Variants in AFG3L2 observed in about 807,000 individuals in gnomAD.
The protein encoded by AFG3L2 is mitochondrial inner membrane m-AAA protease component AFG3L2.
Under a neutral mutation model 94.5 loss-of-function variants are expected in AFG3L2, and 54 were observed. That is an observed-to-expected ratio of 0.57 (90% confidence interval 0.46 to 0.72). The LOEUF (loss-of-function observed/expected upper bound fraction) is 0.72, where lower values mean the gene tolerates loss of function less well. Ranked by LOEUF, AFG3L2 falls within the 30% of genes least tolerant of loss-of-function variation. The pLI is 0.00. For synonymous variants in AFG3L2, 377 were observed against 365.5 expected, an observed-to-expected ratio of 1.03 and a Z score of -0.36; for missense variants, 754 against 994.9, an observed-to-expected ratio of 0.76 and a Z score of 3.26.
chr18:12,375,751 T>C lies in AFG3L2; in HGVS notation c.114+1218A>G, dbSNP rs1319187527. 2.0e-5 allele frequency among the ~76,000 whole-genome samples: 3 copies of C among 152,186 alleles called. No homozygotes were observed. In the East Asian group the frequency reaches 5.8e-4, roughly 29 times the overall value. On this transcript the variant is annotated intron_variant, in intron 1 of 16. Transcript: ENST00000269143. ...TAGTAGAGATGGGGTTTCACCGTGTTAGCCAGGATGATCTCGATTTTCTGA... is the reference window on the plus strand; with the variant it reads ...TAGTAGAGATGGGGTTTCACCGTGTCAGCCAGGATGATCTCGATTTTCTGA...
At chr18:12,372,068 G>C (rs941344650) in intron 1 of AFG3L2, among the ~76,000 whole-genome samples, 1 of 152,334 alleles carries the variant, frequency 6.6e-6, no homozygotes, top group Admixed American at 6.5e-5. Context: ...TACATTGGGA[G>C]GCCGAGGTGG....
intron 5 of AFG3L2, among the ~76,000 whole-genome samples, chr18:12,365,659 C>T (rs1908781591): frequency 6.6e-6 from 1 of 152,158 alleles, no homozygotes; most frequent in Non-Finnish European, 1.5e-5. Context: ...GTAGCAGCTG[C>T]TCATTTGAGT....
At chr18:12,337,997 T>A (rs1907809329) in intron 15 of AFG3L2, among the ~76,000 whole-genome samples, 1 of 152,194 alleles carries the variant, frequency 6.6e-6, no homozygotes, top group Admixed American at 6.5e-5. Context: ...CTTGAACTCC[T>A]GACCTCAGGT....
intron 12 of AFG3L2, among the ~76,000 whole-genome samples, chr18:12,350,485 G>C (rs1269508728): frequency 6.6e-6 from 1 of 152,072 alleles, no homozygotes; most frequent in Non-Finnish European, 1.5e-5. Flanking sequence ...ACACTGTCAA[G>C]AATTTTTCAC....
intron 7 of AFG3L2, among the ~76,000 whole-genome samples, chr18:12,359,657 T>C (rs1290018555): frequency 6.6e-6 from 1 of 151,902 alleles, no homozygotes; most frequent in Non-Finnish European, 1.5e-5. Flanking sequence ...GAGAATCGCG[T>C]GAACTGGGGT....
chr18:12,370,744 A>C (rs1908958870), intron 3 of AFG3L2, 105 bp downstream of exon 3: 3 of 799,370 alleles, frequency 3.8e-6, no homozygotes. Context: ...CAGGCGTGAG[A>C]CACTGTGCCC....
At chr18:12,372,628 G>A (rs974163037) in intron 1 of AFG3L2, among the ~76,000 whole-genome samples, 4 of 152,248 alleles carry the variant, frequency 2.6e-5, no homozygotes, top group Non-Finnish European at 1.5e-5. Flanking sequence ...CAAAAAGTAG[G>A]AACAAGCCAA....
intron 10 of AFG3L2, among the ~76,000 whole-genome samples, chr18:12,352,443 T>C (rs906558411): frequency 2.6e-5 from 4 of 152,220 alleles, no homozygotes; most frequent in Non-Finnish European, 5.9e-5. Flanking sequence ...TCCTGAGAAG[T>C]GGCTTTCCTA....
In AFG3L2 at chr18:12,360,584, G is replaced by A. The variant is rs141051894; in HGVS notation, c.628-533C>T. Among the ~76,000 whole-genome samples the A allele has an allele frequency of 1.7e-3, 252 of 152,272 alleles. 2 individuals are homozygous for A. Among genetic ancestry groups the A allele is most frequent in the South Asian group, 8.3e-3 (40 of 4,826 alleles). On this transcript the variant is annotated intron_variant, in intron 6 of 16. Coordinates refer to ENST00000269143, the MANE Select transcript of AFG3L2 (RefSeq NM_006796.3). ...CAAAATCCGAGCACCGCACCCCACT[G>A]TGCAACTGGAACAGATGCGCCTTGC...
In AFG3L2 at chr18:12,371,477, C is replaced by T; in HGVS notation, c.214+115G>A. ...ACAAATGTGTTACATTTGAAGATGA[C>T]ATATCTTCATCGCTGTAATCAGACA... On this transcript the variant is annotated intron_variant, in intron 2 of 16. Coordinates refer to ENST00000269143, the MANE Select transcript of AFG3L2 (RefSeq NM_006796.3). The T allele has an allele frequency of 4.9e-6, 4 of 812,992 alleles. No individual in the cohort carries two copies. The South Asian group carries it at 5.7e-5, about 12-fold the overall frequency. The allele number at this position is 812,992 out of a possible 1,614,324, so 50.4% of individuals were successfully genotyped here. A position where few individuals can be genotyped will look rare whatever the true frequency, so the allele number is the denominator to read the frequency against.
At chr18:12,363,254 T>G (rs1351112651) in intron 6 of AFG3L2, among the ~76,000 whole-genome samples, 1 of 152,082 alleles carries the variant, frequency 6.6e-6, no homozygotes, top group Non-Finnish European at 1.5e-5. Context: ...ATTCCCTCAA[T>G]GCATTCAGCT....
intron 8 of AFG3L2, 124 bp downstream of exon 8, chr18:12,358,546 T>C: frequency 7.8e-7 from 1 of 1,276,536 alleles, no homozygotes; most frequent in Non-Finnish European, 1.1e-6. Flanking sequence ...GAGGCTAGCC[T>C]AGTAAGCTGA....
At chr18:12,331,297 C>T (rs906983533) in intron 16 of AFG3L2, among the ~76,000 whole-genome samples, 3 of 152,160 alleles carry the variant, frequency 2.0e-5, no homozygotes, top group African/African-American at 4.8e-5. Flanking sequence ...TAACAGCAAA[C>T]TCCTCAGACC....
intron 16 of AFG3L2, among the ~76,000 whole-genome samples, chr18:12,332,917 T>A (rs1009554465): frequency 7.2e-6 from 1 of 139,012 alleles, no homozygotes; most frequent in Non-Finnish European, 1.5e-5. Flanking sequence ...AAATATATAT[T>A]ATATATAACA....
intron 3 of AFG3L2, among the ~76,000 whole-genome samples, chr18:12,369,170 T>A (rs551345708): frequency 1.3e-5 from 2 of 151,878 alleles, no homozygotes; most frequent in South Asian, 4.2e-4. Flanking sequence ...TGTGCAACAC[T>A]CCAAACCACT....
chr18:12,337,141 GAC>G, intron 16 of AFG3L2, 198 bp downstream of exon 16: 1 of 635,420 alleles, frequency 1.6e-6, no homozygotes, highest in East Asian at 2.7e-5. Context: ...CAGGAGCCGG[GAC>G]AGTGTCAACT....
At chr18:12,369,559 C>T (rs963684825) in intron 3 of AFG3L2, among the ~76,000 whole-genome samples, 2 of 151,102 alleles carry the variant, frequency 1.3e-5, no homozygotes, top group African/African-American at 4.9e-5. Context: ...GGTGAAACCT[C>T]ATCTCTTAAA....
intron 6 of AFG3L2, among the ~76,000 whole-genome samples, chr18:12,361,238 C>T (rs1378198534): frequency 3.9e-5 from 6 of 152,260 alleles, no homozygotes; most frequent in Admixed American, 1.3e-4. Context: ...GGCATGGTGG[C>T]ACCCACCTAT....
chr18:12,377,111 G>A lies in AFG3L2; in HGVS notation c.-29C>T. ...CGCCGCCGTGGCCCTCTCGGCCCGG[G>A]ACGCTGCGCAGGCGCGGGCAGGCGA... is the stretch of plus-strand genomic sequence containing the variant. On this transcript the variant is annotated 5_prime_UTR_variant, in exon 1 of 17. Transcript: ENST00000269143. 2 of 1,374,644 alleles carry A rather than the reference G, an allele frequency of 1.5e-6. No individual in the cohort carries two copies. Among genetic ancestry groups the A allele is most frequent in the Non-Finnish European group, 9.4e-7 (1 of 1,058,218 alleles). The allele number at this position is 1,374,644 out of a possible 1,614,324, so 85.2% of individuals were successfully genotyped here.
Sources: gnomAD v4.1 joint callset for allele counts (sites outside exome capture counted in the v4.1 genomes callset) on GRCh38, gnomAD v4.1.1 for gene constraint, MANE v1.5 for transcripts, NCBI Gene and HGNC (gene_info 2026-07-23, HGNC 2026-07-21) for gene names.